Variants in NANS observed in about 807,000 individuals in gnomAD.
The protein encoded by NANS is N-acetylneuraminate synthase.
NANS carries 29 observed loss-of-function variants against 33.3 expected under a neutral mutation model. The observed-to-expected ratio is 0.87, with a 90% CI of 0.65 to 1.19. The LOEUF (loss-of-function observed/expected upper bound fraction) is 1.19. Ranked by LOEUF, NANS falls within the 50% of genes most tolerant of loss-of-function variation. NANS has a pLI of 0.00. For synonymous variants in NANS, 163 were observed against 177.2 expected, an observed-to-expected ratio of 0.92 and a Z score of 0.64; for missense variants, 394 against 461.1, an observed-to-expected ratio of 0.85 and a Z score of 1.33.
chr9:98,059,318 C>T (rs561611709), intron 1 of NANS, among the ~76,000 whole-genome samples: 5 of 152,288 alleles, frequency 3.3e-5, no homozygotes, highest in South Asian at 2.1e-4. Flanking sequence ...CCACTGCGCC[C>T]GGCAGCCAAG....
At position 98,072,312 on chromosome 9, in the gene NANS, C is replaced by T. The variant is rs78038938; in HGVS notation, c.349-4606C>T. ...TCAGAACCCTTTGGAGTTTTTCTGC[C>T]TCAGCCTATTTGGGCAGGTAGGTTC... is the stretch of plus-strand genomic sequence containing the variant. On this transcript the variant is annotated intron_variant, in intron 2 of 5. Coordinates refer to ENST00000210444, the MANE Select transcript of NANS (RefSeq NM_018946.4). 6.4e-3 allele frequency among the ~76,000 whole-genome samples: 969 copies of T among 152,310 alleles called. 6 individuals carry two copies. The highest frequency in any genetic ancestry group is 0.022 in the African/African-American group (915 of 41,566).
At chr9:98,077,789 C>T (rs907252676) in intron 3 of NANS, among the ~76,000 whole-genome samples, 10 of 152,294 alleles carry the variant, frequency 6.6e-5, no homozygotes, top group South Asian at 4.1e-4. Context: ...GACTCAGAGA[C>T]GGACAGTACT....
chr9:98,068,907 G>A (rs144510285), intron 2 of NANS, among the ~76,000 whole-genome samples: 1 of 152,180 alleles, frequency 6.6e-6, no homozygotes, highest in Admixed American at 6.5e-5. Context: ...TTGCTGGTGG[G>A]AATGTAGAAT....
chr9:98,066,074 C>T (rs17806613), intron 2 of NANS, among the ~76,000 whole-genome samples: 7,283 of 152,262 alleles, frequency 0.048, 263 homozygotes, highest in South Asian at 0.089. Context: ...CATCCCTCCT[C>T]CTCCATAGTT....
chr9:98,060,695 G>A, intron 1 of NANS, 87 bp from the exon 2 acceptor site: 3 of 1,152,626 alleles, frequency 2.6e-6, no homozygotes, highest in Non-Finnish European at 2.6e-6. Flanking sequence ...AATAAAGATG[G>A]TGATGTCATA....
At chr9:98,058,539 G>T (rs771530805) in intron 1 of NANS, among the ~76,000 whole-genome samples, 3 of 152,190 alleles carry the variant, frequency 2.0e-5, no homozygotes, top group African/African-American at 7.2e-5. Flanking sequence ...TTTCTAGAGG[G>T]AAATTCCCAC....
intron 3 of NANS, 35 bp from the exon 4 acceptor site, chr9:98,078,158 G>T (rs374277406): frequency 1.9e-6 from 3 of 1,613,898 alleles, no homozygotes; most frequent in Non-Finnish European, 8.5e-7. Flanking sequence ...CCTCTAAAGA[G>T]AAAGTGCTGA....
intron 2 of NANS, among the ~76,000 whole-genome samples, chr9:98,070,900 G>A (rs937947357): frequency 6.6e-5 from 10 of 150,702 alleles, no homozygotes; most frequent in Non-Finnish European, 8.8e-5. Flanking sequence ...CAGCCTTGAC[G>A]GCCCAGGCTC....
chr9:98,073,924 C>G (rs566921348), intron 2 of NANS, among the ~76,000 whole-genome samples: 1 of 152,070 alleles, frequency 6.6e-6, no homozygotes, highest in African/African-American at 2.4e-5. Context: ...GTAGCTGGGA[C>G]TGCAGGCACA....
chr9:98,073,574 C>G (rs1307180858), intron 2 of NANS, among the ~76,000 whole-genome samples: 2 of 149,814 alleles, frequency 1.3e-5, no homozygotes, highest in African/African-American at 4.9e-5. Context: ...TGAGCCACCG[C>G]GCCTGGCCTG....
intron 1 of NANS, among the ~76,000 whole-genome samples, chr9:98,059,085 G>T (rs892898183): frequency 6.6e-6 from 1 of 150,472 alleles, no homozygotes; most frequent in African/African-American, 2.5e-5. Flanking sequence ...GTGCAGTGGC[G>T]TGATCTCGGC....
chr9:98,078,663 CCTT>C (rs1003493341), intron 4 of NANS, among the ~76,000 whole-genome samples: 5 of 151,696 alleles, frequency 3.3e-5, no homozygotes, highest in African/African-American at 9.7e-5. Context: ...TGGTGAAACC[CCTT>C]CTTATTAAAA....
At chr9:98,058,746 C>T (rs7041811) in intron 1 of NANS, among the ~76,000 whole-genome samples, 49,245 of 151,960 alleles carry the variant, frequency 0.32, 10,739 homozygotes, top group African/African-American at 0.62. Context: ...GGCCACATAG[C>T]GAGACCCTGT....
At chr9:98,065,348 T>C (rs193250985) in intron 2 of NANS, among the ~76,000 whole-genome samples, 1 of 148,618 alleles carries the variant, frequency 6.7e-6, no homozygotes, top group Admixed American at 6.7e-5. Flanking sequence ...GTTTCGTTAT[T>C]GTTGCCCAGG....
At chr9:98,074,865 C>T (rs1230262949) in intron 2 of NANS, 1 of 152,158 alleles carries the variant, frequency 6.6e-6, no homozygotes, top group Non-Finnish European at 1.5e-5. Context: ...AAACAGAAAG[C>T]ACTCTCTTCA....
Position 98,078,367 on chromosome 9 carries a change from T to C in NANS, c.603+20T>C. On this transcript the variant is annotated intron_variant, in intron 4 of 5. Coordinates refer to ENST00000210444, the MANE Select transcript of NANS (RefSeq NM_018946.4). Reference sequence around the variant, plus strand: ...ATCTCGGTGAGCAGGAGGGAGGGGGTTCCCTTCTTGGGCCATTTACTATGG... The same window carrying C: ...ATCTCGGTGAGCAGGAGGGAGGGGGCTCCCTTCTTGGGCCATTTACTATGG... The C allele has an allele frequency of 6.2e-7, 1 of 1,609,432 alleles. No individual in the cohort carries two copies. Among genetic ancestry groups the C allele is most frequent in the South Asian group, 1.1e-5 (1 of 90,710 alleles).
chr9:98,081,098 C>T lies in NANS; in HGVS notation c.870+16C>T, dbSNP rs757900217. ...CAATGAGAAGGTGTGTCCTGCCGGACTCTACTCGGTTCTGCTGCCGTGTGT... is the reference window on the plus strand; with the variant it reads ...CAATGAGAAGGTGTGTCCTGCCGGATTCTACTCGGTTCTGCTGCCGTGTGT... On this transcript the variant is annotated intron_variant, in intron 5 of 5. Transcript: ENST00000210444. 1.4e-5 allele frequency: 22 copies of T among 1,613,874 alleles called. No individual in the cohort carries two copies. Among genetic ancestry groups the T allele is most frequent in the Non-Finnish European group, 1.8e-5 (21 of 1,179,860 alleles).
chr9:98,081,014 C>CT lies in NANS; in HGVS notation c.804dup (p.Val269CysfsTer16), dbSNP rs1192448549. 1 of 1,614,224 alleles carries CT rather than the reference C, an allele frequency of 6.2e-7. No homozygotes were observed. Among genetic ancestry groups the CT allele is most frequent in the South Asian group, 1.1e-5 (1 of 91,086 alleles). On this transcript the variant is annotated frameshift_variant, in exon 5 of 6. Transcript: ENST00000210444. LOFTEE classifies it high-confidence loss of function. ...GGCCGAGCTGGTGCGGTCAGTGCGTCTTGTGGAGCGTGCCCTGGGCTCCCC... is the reference window on the plus strand; with the variant it reads ...GGCCGAGCTGGTGCGGTCAGTGCGTCTTTGTGGAGCGTGCCCTGGGCTCCCC...
chr9:98,061,140 A>G, intron 2 of NANS, 143 bp downstream of exon 2: 1 of 728,028 alleles, frequency 1.4e-6, no homozygotes, highest in Non-Finnish European at 2.3e-6. Context: ...CAGGCGCCAA[A>G]GCCCAGTGAG....
Sources: gnomAD v4.1 joint callset for allele counts (sites outside exome capture counted in the v4.1 genomes callset) on GRCh38, gnomAD v4.1.1 for gene constraint, MANE v1.5 for transcripts, NCBI Gene and HGNC (gene_info 2026-07-23, HGNC 2026-07-21) for gene names.